GAS7: variants seen among roughly 807,000 people sequenced by gnomAD.
GAS7 encodes growth arrest-specific protein 7.
Under a neutral mutation model 71.1 loss-of-function variants are expected in GAS7, and 28 were observed. That is an observed-to-expected ratio of 0.39 (90% confidence interval 0.29 to 0.54). GAS7 has a LOEUF of 0.54. Among genes scored for constraint, GAS7 ranks in the 20% least tolerant of loss-of-function variants. The pLI is 0.62. For synonymous variants in GAS7, 258 were observed against 245.8 expected (o/e 1.05, Z -0.46); for missense variants, 436 against 627.8 (o/e 0.69, Z 3.27).
In GAS7 at chr17:10,013,271, A is replaced by G. The variant is rs866206782; in HGVS notation, c.304+6506T>C. Among the ~76,000 whole-genome samples the G allele has an allele frequency of 1.1e-4, 16 of 152,304 alleles. No homozygotes were observed. In the Middle Eastern group the frequency reaches 0.01, roughly 97 times the overall value. On this transcript the variant is annotated intron_variant, in intron 2 of 13. Coordinates refer to ENST00000432992, the MANE Select transcript of GAS7 (RefSeq NM_201433.2). The stretch of plus-strand genomic sequence containing the variant: ...CTTCCCATCCTCCTGAACTGTGATA[A>G]ATAAATTTCCATTGTTTATAAGTCA...
intron 1 of GAS7, among the ~76,000 whole-genome samples, chr17:10,058,579 A>G (rs2152241216): frequency 6.6e-6 from 1 of 152,350 alleles, no homozygotes; most frequent in South Asian, 2.1e-4. Context: ...GAAGAACTCC[A>G]TCTTCGGACA....
chr17:9,968,662 T>G (rs1292023054), intron 4 of GAS7, among the ~76,000 whole-genome samples: 1 of 152,220 alleles, frequency 6.6e-6, no homozygotes, highest in Non-Finnish European at 1.5e-5. Flanking sequence ...GTCCCTTGAT[T>G]AAGAACCACG....
intron 1 of GAS7, among the ~76,000 whole-genome samples, chr17:10,038,783 T>G (rs1196854911): frequency 6.8e-6 from 1 of 146,832 alleles, no homozygotes; most frequent in Non-Finnish European, 1.5e-5. Context: ...CACTGCAAGC[T>G]CCGCCTCCTG....
chr17:10,140,194 GC>G, intron 1 of GAS7, among the ~76,000 whole-genome samples: 1 of 152,326 alleles, frequency 6.6e-6, no homozygotes, highest in East Asian at 1.9e-4. Flanking sequence ...GGACATGGTG[GC>G]TCACATCTGC....
intron 1 of GAS7, among the ~76,000 whole-genome samples, chr17:10,111,633 G>C (rs192225943): frequency 6.6e-6 from 1 of 152,058 alleles, no homozygotes; most frequent in East Asian, 1.9e-4. Flanking sequence ...ACAGTGAGCC[G>C]AGATCACGCC....
chr17:10,197,210 A>C (rs146535243), intron 1 of GAS7, among the ~76,000 whole-genome samples: 28 of 152,260 alleles, frequency 1.8e-4, no homozygotes, highest in African/African-American at 6.5e-4. Context: ...TTCTCAGTCA[A>C]AATTTGCTAC....
At chr17:9,945,113 A>G (rs1037750530) in intron 6 of GAS7, among the ~76,000 whole-genome samples, 23 of 151,846 alleles carry the variant, frequency 1.5e-4, no homozygotes, top group African/African-American at 4.4e-4. Flanking sequence ...CCACACGCTG[A>G]CCTCCAGCAA....
intron 5 of GAS7, 146 bp from the exon 6 acceptor site, chr17:9,947,129 T>C (rs1365027091): frequency 1.7e-6 from 1 of 575,866 alleles, no homozygotes; most frequent in Non-Finnish European, 3.2e-6. Flanking sequence ...GGGGCCAGCA[T>C]TTCACATGAG....
chr17:10,027,815 T>G (rs1390555994), intron 1 of GAS7, among the ~76,000 whole-genome samples: 3 of 152,008 alleles, frequency 2.0e-5, no homozygotes. Context: ...AGGCCAGGAG[T>G]TCAAGGAGAG....
At chr17:9,970,195 C>T (rs1424127987) in intron 3 of GAS7, among the ~76,000 whole-genome samples, 1 of 152,166 alleles carries the variant, frequency 6.6e-6, no homozygotes, top group Non-Finnish European at 1.5e-5. Flanking sequence ...ACTTCTCCAC[C>T]CTCAAACTCA....
chr17:10,058,095 G>A (rs1597759134), intron 1 of GAS7, among the ~76,000 whole-genome samples: 1 of 152,194 alleles, frequency 6.6e-6, no homozygotes, highest in Non-Finnish European at 1.5e-5. Context: ...CAAGTACCCA[G>A]GGACACAAAC....
chr17:9,994,129 C>T (rs1264810788), intron 2 of GAS7, among the ~76,000 whole-genome samples: 1 of 148,506 alleles, frequency 6.7e-6, no homozygotes, highest in African/African-American at 2.5e-5. Flanking sequence ...AGATTCAATG[C>T]CATCCCCATC....
At chr17:10,033,129 T>C (rs1404334007) in intron 1 of GAS7, among the ~76,000 whole-genome samples, 1 of 152,206 alleles carries the variant, frequency 6.6e-6, no homozygotes, top group Admixed American at 6.5e-5. Context: ...AGGTTTTCTA[T>C]GCTAGTTGAT....
intron 5 of GAS7, among the ~76,000 whole-genome samples, chr17:9,949,611 A>G (rs1315527873): frequency 2.0e-5 from 3 of 152,170 alleles, no homozygotes; most frequent in African/African-American, 7.2e-5. Flanking sequence ...AGATCCTTAC[A>G]TGTGGTTAAG....
chr17:9,944,584 T>G (rs1270654620), intron 6 of GAS7, among the ~76,000 whole-genome samples: 1 of 152,188 alleles, frequency 6.6e-6, no homozygotes, highest in Non-Finnish European at 1.5e-5. Flanking sequence ...ATCAAGTAGA[T>G]GAAGGATTTT....
intron 1 of GAS7, among the ~76,000 whole-genome samples, chr17:10,078,496 CTTG>C (rs2152250394): frequency 6.6e-6 from 1 of 152,244 alleles, no homozygotes; most frequent in Non-Finnish European, 1.5e-5. Context: ...TATTTGCTTT[CTTG>C]TTGTTGTTCC....
chr17:9,920,105 G>C (rs1486024654), intron 11 of GAS7, among the ~76,000 whole-genome samples: 1 of 150,732 alleles, frequency 6.6e-6, no homozygotes, highest in Non-Finnish European at 1.5e-5. Context: ...ACACTGGGGA[G>C]TCCAGATTGG....
chr17:10,139,720 T>C (rs941090234), intron 1 of GAS7, among the ~76,000 whole-genome samples: 1 of 152,230 alleles, frequency 6.6e-6, no homozygotes, highest in East Asian at 1.9e-4. Flanking sequence ...ACATTCTGCT[T>C]AGCGTAGACC....
At chr17:10,115,370 C>T (rs1424762874) in intron 1 of GAS7, among the ~76,000 whole-genome samples, 2 of 152,166 alleles carry the variant, frequency 1.3e-5, no homozygotes, top group African/African-American at 4.8e-5. Context: ...CATAACTAAG[C>T]ACACTTCATC....
Sources: allele counts gnomAD v4.1 joint callset (sites outside exome capture counted in the v4.1 genomes callset), GRCh38; gene constraint gnomAD v4.1.1; transcripts MANE v1.5; gene names NCBI Gene and HGNC (gene_info 2026-07-23, HGNC 2026-07-21).